Variants in CMIP observed in about 807,000 individuals in gnomAD.
CMIP encodes C-Maf-inducing protein.
A neutral mutation model predicts 97.3 loss-of-function variants in CMIP; 13 were observed. That is an observed-to-expected ratio of 0.13 (90% CI 0.09 to 0.21). The LOEUF is 0.21. Among genes scored for constraint, CMIP ranks in the 10% least tolerant of loss-of-function variants. The probability of loss-of-function intolerance (pLI) is 1.00; values close to 1 mark genes in which losing one functional copy is unlikely to be tolerated. For synonymous variants in CMIP, 538 were observed against 436.3 expected, an observed-to-expected ratio of 1.23 and a Z score of -2.91; for missense variants, 847 against 1,024.9, an observed-to-expected ratio of 0.83 and a Z score of 2.37.
chr16:81,584,709 A>G (rs1396550748), intron 1 of CMIP, among the ~76,000 whole-genome samples: 3 of 152,206 alleles, frequency 2.0e-5, no homozygotes, highest in African/African-American at 7.2e-5. Flanking sequence ...CATCCGAATT[A>G]TCAACACATC....
At chr16:81,599,629 T>C (rs2091623783) in intron 1 of CMIP, among the ~76,000 whole-genome samples, 1 of 152,164 alleles carries the variant, frequency 6.6e-6, no homozygotes. Context: ...AATTGGAGTT[T>C]GCCTCTGGCC....
chr16:81,592,065 C>T (rs929420000), intron 1 of CMIP, among the ~76,000 whole-genome samples: 21 of 152,106 alleles, frequency 1.4e-4, no homozygotes, highest in Non-Finnish European at 1.5e-5. Context: ...CTCAAGTGAT[C>T]CTCCTGCCTT....
At chr16:81,566,735 C>A (rs1007584002) in intron 1 of CMIP, among the ~76,000 whole-genome samples, 19 of 152,132 alleles carry the variant, frequency 1.2e-4, no homozygotes, top group Admixed American at 5.2e-4. Flanking sequence ...TAGTAGCCTC[C>A]AACTAGAAAC....
chr16:81,502,324 G>T (rs2089628191), intron 1 of CMIP, among the ~76,000 whole-genome samples: 1 of 152,224 alleles, frequency 6.6e-6, no homozygotes, highest in Non-Finnish European at 1.5e-5. Flanking sequence ...AAAGTGATCA[G>T]TGACGCTTCA....
At chr16:81,514,172 A>C (rs963145034) in intron 1 of CMIP, among the ~76,000 whole-genome samples, 37 of 152,220 alleles carry the variant, frequency 2.4e-4, no homozygotes, top group Non-Finnish European at 5.0e-4. Context: ...TGACACTTCC[A>C]GTCTATTTGA....
intron 1 of CMIP, among the ~76,000 whole-genome samples, chr16:81,605,409 C>G (rs1195805705): frequency 6.6e-6 from 1 of 151,556 alleles, no homozygotes; most frequent in Non-Finnish European, 1.5e-5. Context: ...CTCACCTGGA[C>G]CTGTGCAGCA....
At chr16:81,545,701 C>T (rs147849872) in intron 1 of CMIP, among the ~76,000 whole-genome samples, 6 of 152,272 alleles carry the variant, frequency 3.9e-5, no homozygotes, top group East Asian at 1.9e-4. Flanking sequence ...TTCTAGAATC[C>T]GAACCCTCCT....
rs550016235 is a variant in CMIP at position 81,566,168 on chromosome 16, T to C, written c.301-41399T>C. On this transcript the variant is annotated intron_variant, in intron 1 of 20. Transcript: ENST00000537098. The stretch of plus-strand genomic sequence containing the variant: ...GTGCTTCAGATTGGAGGCTGCCCTC[T>C]CCTCAAGAAGGAGGGTGCGCCGGTG... Among the ~76,000 whole-genome samples, 482 of 152,314 alleles carry C rather than the reference T, an allele frequency of 3.2e-3. 1 individual carries two copies. The highest frequency in any genetic ancestry group is 0.011 in the African/African-American group (467 of 41,568).
chr16:81,570,456 G>A lies in CMIP; in HGVS notation c.301-37111G>A, dbSNP rs8045069. Among the ~76,000 whole-genome samples, 902 of 152,238 alleles carry A rather than the reference G, an allele frequency of 5.9e-3. 9 individuals carry two copies. The highest frequency in any genetic ancestry group is 0.02 in the African/African-American group (848 of 41,524). On this transcript the variant is annotated intron_variant, in intron 1 of 20. Coordinates refer to ENST00000537098, the MANE Select transcript of CMIP (RefSeq NM_198390.3). The stretch of plus-strand genomic sequence containing the variant: ...AAACCACTGCTCCGTTCTGAGCCTC[G>A]GTGTATTTTTTTAGTCTATAAAATG...
At chr16:81,506,147 T>C (rs376253902) in intron 1 of CMIP, among the ~76,000 whole-genome samples, 13 of 152,308 alleles carry the variant, frequency 8.5e-5, no homozygotes, top group East Asian at 5.8e-4. Flanking sequence ...CTCATTTTAT[T>C]GATGAGGAAA....
chr16:81,670,237 C>A lies in CMIP; in HGVS notation c.921C>A (p.Phe307Leu). 6.2e-7 allele frequency: 1 copy of A among 1,609,744 alleles called. No individual in the cohort carries two copies. The highest frequency in any genetic ancestry group is 1.1e-5 in the South Asian group (1 of 89,854). The change falls in exon 8 of 21, where the codon TTC becomes TTA. Residue 307 changes from phenylalanine (F) to leucine (L), a missense_variant. Coordinates refer to ENST00000537098, the MANE Select transcript of CMIP (RefSeq NM_198390.3). Reference sequence around the variant, plus strand: ...CGGGGATGGAAGTGGTGAAGAAGTTCATTCAGAGGTGGGTCTCCGGCGCGA... The same window carrying A: ...CGGGGATGGAAGTGGTGAAGAAGTTAATTCAGAGGTGGGTCTCCGGCGCGA... ...LNAGMEVVKK[F>L]IQSMHGPTGH... is the part of the protein sequence containing the mutation.
In CMIP at chr16:81,616,388, A is replaced by C. The variant is rs928079267; in HGVS notation, c.427-4488A>C. 6.6e-6 allele frequency among the ~76,000 whole-genome samples: 1 copy of C among 152,102 alleles called. No homozygotes were observed. The highest frequency in any genetic ancestry group is 1.5e-5 in the Non-Finnish European group (1 of 68,012). The stretch of plus-strand genomic sequence containing the variant: ...GGCAGGCGCCGGAGTGTGCAGAGGC[A>C]CCCCACTGCCTGCTCCGAGCCTCAG... On this transcript the variant is annotated intron_variant, in intron 2 of 20. Coordinates refer to ENST00000537098, the MANE Select transcript of CMIP (RefSeq NM_198390.3). This position sits in a 1 kb window ranked among gnomAD's most constrained non-coding sequence, Gnocchi z 4.7.
At chr16:81,448,100 T>G (rs1465386288) in intron 1 of CMIP, among the ~76,000 whole-genome samples, 2 of 152,242 alleles carry the variant, frequency 1.3e-5, no homozygotes, top group Non-Finnish European at 2.9e-5. Context: ...GTCCTGTGGC[T>G]TCGCAGCAGC....
chr16:81,577,364 C>T (rs1430946127), intron 1 of CMIP, among the ~76,000 whole-genome samples: 2 of 150,806 alleles, frequency 1.3e-5, no homozygotes, highest in Non-Finnish European at 2.9e-5. Context: ...TCACCACCAT[C>T]ATAACCATCA....
At chr16:81,628,400 C>T (rs1282292974) in intron 3 of CMIP, among the ~76,000 whole-genome samples, 4 of 152,210 alleles carry the variant, frequency 2.6e-5, no homozygotes, top group Admixed American at 6.5e-5. Context: ...AGCTGGTCCT[C>T]GAGCCATGAT....
At chr16:81,495,467 C>T (rs1194800907) in intron 1 of CMIP, 2 of 1,612,962 alleles carry the variant, frequency 1.2e-6, no homozygotes, top group South Asian at 1.1e-5. Flanking sequence ...GCCCTGGCGT[C>T]CGGGGAAGGA....
chr16:81,626,834 A>T, intron 3 of CMIP, among the ~76,000 whole-genome samples: 1 of 106,264 alleles, frequency 9.4e-6, no homozygotes, highest in Non-Finnish European at 1.9e-5. Context: ...ATATGGGGTG[A>T]CTATTTTATG....
intron 3 of CMIP, among the ~76,000 whole-genome samples, chr16:81,643,736 G>A (rs2092332588): frequency 6.6e-6 from 1 of 152,196 alleles, no homozygotes; most frequent in African/African-American, 2.4e-5. Flanking sequence ...AGGTTGCAGT[G>A]AGCCGAGGTC....
At chr16:81,523,843 T>C (rs1469654647) in intron 1 of CMIP, among the ~76,000 whole-genome samples, 5 of 152,220 alleles carry the variant, frequency 3.3e-5, no homozygotes, top group Non-Finnish European at 7.3e-5. Flanking sequence ...GCTAGGAGCC[T>C]GGATGTAACA....
Sources: gnomAD v4.1 joint callset for allele counts (sites outside exome capture counted in the v4.1 genomes callset) on GRCh38, gnomAD v4.1.1 for gene constraint, Gnocchi (gnomAD v3.1) non-coding constraint, MANE v1.5 for transcripts, NCBI Gene and HGNC (gene_info 2026-07-23, HGNC 2026-07-21) for gene names.